Variants in SLC8A1 observed in about 807,000 individuals in gnomAD.
The protein encoded by SLC8A1 is solute carrier family 8 member A1, also known as sodium/calcium exchanger 1.
SLC8A1 carries 18 observed loss-of-function variants against 68.3 expected under a neutral mutation model. The ratio of observed to expected loss-of-function variants is 0.26; its 90% confidence interval spans 0.18 to 0.39. SLC8A1 has a LOEUF of 0.39. Among genes scored for constraint, SLC8A1 ranks in the 10% least tolerant of loss-of-function variants. The pLI, the probability that SLC8A1 is intolerant of heterozygous loss-of-function variation, is 1.00. For missense variants in SLC8A1, 985 were observed against 1,156.7 expected (o/e 0.85, Z 2.15); for synonymous variants, 475 against 415.5 (o/e 1.14, Z -1.74).
intron 2 of SLC8A1, among the ~76,000 whole-genome samples, chr2:40,289,960 G>A (rs2068994965): frequency 1.3e-5 from 2 of 152,076 alleles, no homozygotes; most frequent in African/African-American, 4.8e-5. Flanking sequence ...TAGATTAGAA[G>A]ACAAACATAT....
intron 2 of SLC8A1, among the ~76,000 whole-genome samples, chr2:40,270,182 T>C (rs1462188104): frequency 6.6e-6 from 1 of 152,242 alleles, no homozygotes; most frequent in Admixed American, 6.5e-5. Flanking sequence ...CAGTTTTTTA[T>C]GCCAGGATAC....
rs1001339292 is a variant in SLC8A1, at chr2:40,241,849, A to G, written c.1809-63994T>C. Among the ~76,000 whole-genome samples the G allele has an allele frequency of 3.3e-5, 5 of 151,234 alleles. No homozygotes were observed. In the East Asian group the frequency reaches 7.7e-4, roughly 23 times the overall value. On this transcript the variant is annotated intron_variant, in intron 2 of 7. Transcript: ENST00000406785. ...ATTTGTTCCAATCTAGTAAGATCAGATTTATCAACAGACAGAAAAATAGAT... is the reference window on the plus strand; with the variant it reads ...ATTTGTTCCAATCTAGTAAGATCAGGTTTATCAACAGACAGAAAAATAGAT...
intron 1 of SLC8A1, among the ~76,000 whole-genome samples, chr2:40,479,019 G>C (rs1229147250): frequency 6.6e-6 from 1 of 152,108 alleles, no homozygotes; most frequent in East Asian, 1.9e-4. Flanking sequence ...TGATCCGCCT[G>C]CCTCGACCTC....
intron 2 of SLC8A1, among the ~76,000 whole-genome samples, chr2:40,349,649 G>T (rs756963224): frequency 1.3e-5 from 2 of 152,170 alleles, no homozygotes; most frequent in Non-Finnish European, 2.9e-5. Flanking sequence ...TGCCTGGCAT[G>T]TAAGAAGTGT....
At chr2:40,306,028 G>A (rs1284084117) in intron 2 of SLC8A1, among the ~76,000 whole-genome samples, 1 of 152,158 alleles carries the variant, frequency 6.6e-6, no homozygotes, top group Non-Finnish European at 1.5e-5. Context: ...TTCCCTTACA[G>A]GTTTTGGGAG....
intron 2 of SLC8A1, among the ~76,000 whole-genome samples, chr2:40,221,271 T>C (rs1172418935): frequency 6.6e-6 from 1 of 152,068 alleles, no homozygotes; most frequent in African/African-American, 2.4e-5. Flanking sequence ...ACAGAACCAA[T>C]GGCAAAAACC....
chr2:40,278,497 A>T (rs201094932), intron 2 of SLC8A1, among the ~76,000 whole-genome samples: 2 of 135,406 alleles, frequency 1.5e-5, no homozygotes, highest in Non-Finnish European at 3.1e-5. Flanking sequence ...AAAACAAAAC[A>T]AAACAAAAAG....
At chr2:40,243,587 A>G (rs908076761) in intron 2 of SLC8A1, among the ~76,000 whole-genome samples, 1 of 152,250 alleles carries the variant, frequency 6.6e-6, no homozygotes, top group East Asian at 1.9e-4. Flanking sequence ...CCTCTGTTTT[A>G]GACTAAGAAG....
At chr2:40,234,395 CTGTT>C (rs1333940693) in intron 2 of SLC8A1, among the ~76,000 whole-genome samples, 3 of 151,996 alleles carry the variant, frequency 2.0e-5, no homozygotes, top group East Asian at 3.9e-4. Context: ...ATTTGGCTCT[CTGTT>C]TGTCTGTTGT....
chr2:40,415,901 C>CATT (rs1255617197), intron 2 of SLC8A1, among the ~76,000 whole-genome samples: 2 of 140,570 alleles, frequency 1.4e-5, no homozygotes, highest in Admixed American at 7.5e-5. Flanking sequence ...CACACACACA[C>CATT]ACACACACAC....
At chr2:40,438,655 C>G (rs11685475) in intron 1 of SLC8A1, among the ~76,000 whole-genome samples, 48,616 of 152,102 alleles carry the variant, frequency 0.32, 8,469 homozygotes, top group East Asian at 0.66. Flanking sequence ...AATGTGACAG[C>G]ACATTCTAAA....
chr2:40,271,227 C>T (rs760423123), intron 2 of SLC8A1, among the ~76,000 whole-genome samples: 5 of 151,850 alleles, frequency 3.3e-5, no homozygotes, highest in African/African-American at 4.8e-5. Flanking sequence ...TCCTCTCTCA[C>T]GTCCCCTCCC....
chr2:40,197,199 G>C (rs2053215140), intron 2 of SLC8A1, among the ~76,000 whole-genome samples: 1 of 151,998 alleles, frequency 6.6e-6, no homozygotes. Flanking sequence ...AAATTATTTT[G>C]AGTGCATTTC....
At chr2:40,451,162 C>G (rs571605091) in intron 1 of SLC8A1, among the ~76,000 whole-genome samples, 47 of 152,292 alleles carry the variant, frequency 3.1e-4, no homozygotes, top group African/African-American at 9.1e-4. Flanking sequence ...GAACACAGAC[C>G]ATTTCCCCCA....
chr2:40,142,426 G>C (rs1465434366), intron 6 of SLC8A1, among the ~76,000 whole-genome samples: 1 of 152,010 alleles, frequency 6.6e-6, no homozygotes, highest in Admixed American at 6.6e-5. Flanking sequence ...TATTTATTTT[G>C]GATCCTATCC....
At chr2:40,121,795 C>G (rs768323439) in intron 7 of SLC8A1, among the ~76,000 whole-genome samples, 1 of 152,160 alleles carries the variant, frequency 6.6e-6, no homozygotes, top group African/African-American at 2.4e-5. Context: ...TGATTCTATA[C>G]TTTTAAGGAG....
chr2:40,299,397 TCTTGA>T (rs1373814468), intron 2 of SLC8A1, among the ~76,000 whole-genome samples: 3 of 152,206 alleles, frequency 2.0e-5, no homozygotes, highest in Admixed American at 1.3e-4. Context: ...TCTCCTCCTT[TCTTGA>T]CTTTTCTTTC....
intron 7 of SLC8A1, among the ~76,000 whole-genome samples, chr2:40,130,479 T>C (rs1379887561): frequency 6.6e-6 from 1 of 152,248 alleles, no homozygotes; most frequent in Non-Finnish European, 1.5e-5. Context: ...TGGAAAGCCA[T>C]TTGAGTGATT....
intron 2 of SLC8A1, among the ~76,000 whole-genome samples, chr2:40,213,687 C>T (rs2056995339): frequency 6.6e-6 from 1 of 152,120 alleles, no homozygotes; most frequent in South Asian, 2.1e-4. Context: ...AATATTTTTT[C>T]AAAAGTGATC....
Sources: gnomAD v4.1 joint callset for allele counts (sites outside exome capture counted in the v4.1 genomes callset) on GRCh38, gnomAD v4.1.1 for gene constraint, MANE v1.5 for transcripts, NCBI Gene and HGNC (gene_info 2026-07-23, HGNC 2026-07-21) for gene names.